The following NAV3 variants were observed in gnomAD, a reference collection of about 807,000 sequenced individuals.
NAV3 encodes neuron navigator 3, also known as pore membrane and/or filament interacting like protein 1.
A neutral mutation model predicts 244.7 loss-of-function variants in NAV3; 87 were observed. The observed-to-expected ratio is 0.36, with a 90% CI of 0.30 to 0.42. NAV3 has a LOEUF of 0.42. Among genes scored for constraint, NAV3 ranks in the 20% least tolerant of loss-of-function variants. NAV3 has a pLI of 1.00. For missense variants in NAV3, 2,663 were observed against 2,893.3 expected (o/e 0.92, Z 1.83); for synonymous variants, 1,126 against 1,042.2 (o/e 1.08, Z -1.55).
At chr12:78,044,424 G>T (rs2137127191) in intron 9 of NAV3, among the ~76,000 whole-genome samples, 1 of 152,094 alleles carries the variant, frequency 6.6e-6, no homozygotes, top group Admixed American at 6.5e-5. Context: ...GCTCTTTTTT[G>T]GTTCCATATG....
chr12:77,726,647 G>A (rs1051234010), intron 2 of NAV3, among the ~76,000 whole-genome samples: 2 of 151,960 alleles, frequency 1.3e-5, no homozygotes, highest in African/African-American at 2.4e-5. Flanking sequence ...TGTTTGCTGG[G>A]TCTGGAGGGT....
chr12:77,598,381 G>A (rs1870265961), intron 2 of NAV3, among the ~76,000 whole-genome samples: 2 of 152,022 alleles, frequency 1.3e-5, no homozygotes, highest in South Asian at 4.2e-4. Context: ...TCATACCATT[G>A]ACAATCTTAA....
chr12:77,669,499 G>A (rs751514537), intron 2 of NAV3, among the ~76,000 whole-genome samples: 10 of 152,014 alleles, frequency 6.6e-5, no homozygotes, highest in Non-Finnish European at 1.3e-4. Flanking sequence ...AGGTAAAGGG[G>A]CAGAAAAAGG....
intron 3 of NAV3, among the ~76,000 whole-genome samples, chr12:77,945,466 C>A (rs775758508): frequency 6.6e-6 from 1 of 151,920 alleles, no homozygotes. Context: ...GGATTATGGC[C>A]GGAACAGGGA....
chr12:78,026,346 C>T (rs1165296863), intron 9 of NAV3, among the ~76,000 whole-genome samples: 1 of 152,132 alleles, frequency 6.6e-6, no homozygotes, highest in East Asian at 1.9e-4. Flanking sequence ...ATTAACCTAG[C>T]AAATTGTACC....
intron 2 of NAV3, among the ~76,000 whole-genome samples, chr12:77,706,503 T>G (rs1245138096): frequency 7.3e-5 from 11 of 151,334 alleles, no homozygotes; most frequent in African/African-American, 2.2e-4. Context: ...AGTTGGTAAG[T>G]TATGATTATC....
chr12:77,766,225 A>T (rs1357717034), intron 2 of NAV3, among the ~76,000 whole-genome samples: 4 of 152,218 alleles, frequency 2.6e-5, no homozygotes, highest in Admixed American at 2.0e-4. Context: ...GAAGACAGTG[A>T]GGAAACAGGA....
chr12:78,178,412 C>T (rs1024518406), intron 28 of NAV3, among the ~76,000 whole-genome samples: 5 of 151,952 alleles, frequency 3.3e-5, no homozygotes, highest in Admixed American at 6.6e-5. Flanking sequence ...TCACCCACCT[C>T]GGCCTCCCAA....
At chr12:77,602,522 G>A (rs1172876850) in intron 2 of NAV3, among the ~76,000 whole-genome samples, 1 of 151,934 alleles carries the variant, frequency 6.6e-6, no homozygotes, top group African/African-American at 2.4e-5. Flanking sequence ...TATGTCCAAT[G>A]AACTAAAGAG....
chr12:77,730,819 T>G (rs1490520609), intron 2 of NAV3, among the ~76,000 whole-genome samples: 3 of 151,486 alleles, frequency 2.0e-5, no homozygotes, highest in Admixed American at 6.6e-5. Context: ...CATGACATTT[T>G]TAAATACTTG....
intron 2 of NAV3, among the ~76,000 whole-genome samples, chr12:77,738,999 G>A (rs143494844): frequency 0.045 from 5,132 of 113,538 alleles, 138 homozygotes; most frequent in Middle Eastern, 0.11. Context: ...GCGACAGAGC[G>A]AGACTCCGTC....
chr12:77,713,438 A>G (rs980461851), intron 2 of NAV3, among the ~76,000 whole-genome samples: 2 of 152,324 alleles, frequency 1.3e-5, no homozygotes, highest in East Asian at 1.9e-4. Flanking sequence ...TGTGACTTAC[A>G]TAATGAATAC....
chr12:77,714,122 G>A (rs529982426), intron 2 of NAV3, among the ~76,000 whole-genome samples: 1 of 152,128 alleles, frequency 6.6e-6, no homozygotes, highest in East Asian at 1.9e-4. Flanking sequence ...TGGAGAAATT[G>A]TAAATAAATT....
At chr12:77,961,359 T>A (rs1377291393) in intron 3 of NAV3, among the ~76,000 whole-genome samples, 4 of 142,054 alleles carry the variant, frequency 2.8e-5, no homozygotes, top group Non-Finnish European at 3.0e-5. Flanking sequence ...TATACATATA[T>A]GTAATATAAT....
intron 22 of NAV3, among the ~76,000 whole-genome samples, chr12:78,151,009 G>A (rs577447307): frequency 6.6e-6 from 1 of 151,934 alleles, no homozygotes; most frequent in South Asian, 2.1e-4. Flanking sequence ...ACGAAGAAGA[G>A]CACAATTAGG....
chr12:77,833,660 TATTGCAAGG>T (rs1247083577), intron 1 of NAV3, among the ~76,000 whole-genome samples: 6 of 152,218 alleles, frequency 3.9e-5, no homozygotes, highest in Non-Finnish European at 7.3e-5. Flanking sequence ...CCCTCTGCCT[TATTGCAAGG>T]GCAGAGGGCT....
chr12:78,146,996 C>G (rs538488460), intron 21 of NAV3, among the ~76,000 whole-genome samples: 1 of 152,082 alleles, frequency 6.6e-6, no homozygotes, highest in East Asian at 1.9e-4. Flanking sequence ...AGCAGGAGGA[C>G]TTTAATTATG....
intron 17 of NAV3, among the ~76,000 whole-genome samples, chr12:78,128,363 T>A (rs1956016844): frequency 6.6e-6 from 1 of 152,106 alleles, no homozygotes; most frequent in Non-Finnish European, 1.5e-5. Flanking sequence ...CCCGCCACTG[T>A]CCTCCATTTG....
chr12:78,098,923 A>G (rs2138171459), intron 12 of NAV3, among the ~76,000 whole-genome samples: 1 of 150,796 alleles, frequency 6.6e-6, no homozygotes, highest in East Asian at 1.9e-4. Flanking sequence ...TTGAATTACT[A>G]AAGGAAACCA....
Sources: allele counts gnomAD v4.1 joint callset (sites outside exome capture counted in the v4.1 genomes callset), GRCh38; gene constraint gnomAD v4.1.1; transcripts MANE v1.5; gene names NCBI Gene and HGNC (gene_info 2026-07-23, HGNC 2026-07-21).